The following ATRNL1 variants were observed in gnomAD, a reference collection of about 807,000 sequenced individuals.
The protein encoded by ATRNL1 is attractin-like protein 1.
ATRNL1 carries 95 observed loss-of-function variants against 182.7 expected under a neutral mutation model. The observed-to-expected ratio is 0.52, with a 90% CI of 0.44 to 0.62. The LOEUF (loss-of-function observed/expected upper bound fraction) is 0.62. Ranked by LOEUF, ATRNL1 falls within the 20% of genes least tolerant of loss-of-function variation. The pLI, the probability that ATRNL1 is intolerant of heterozygous loss-of-function variation, is 0.00. For missense variants in ATRNL1, 1,471 were observed against 1,679.5 expected, an observed-to-expected ratio of 0.88 and a Z score of 2.17; for synonymous variants, 576 against 568.3, an observed-to-expected ratio of 1.01 and a Z score of -0.19.
chr10:115,220,732 G>GT (rs1554897278), intron 9 of ATRNL1, among the ~76,000 whole-genome samples: 2 of 97,660 alleles, frequency 2.0e-5, no homozygotes, highest in Non-Finnish European at 4.2e-5. Flanking sequence ...AATGGGGGGG[G>GT]GGGGGCGGGG....
At chr10:115,768,994 G>C (rs1400831960) in intron 27 of ATRNL1, among the ~76,000 whole-genome samples, 1 of 151,900 alleles carries the variant, frequency 6.6e-6, no homozygotes, top group Non-Finnish European at 1.5e-5. Flanking sequence ...AAAACATATA[G>C]ACATATGAAT....
chr10:115,125,078 A>G (rs1030071843), intron 3 of ATRNL1, among the ~76,000 whole-genome samples: 1 of 152,150 alleles, frequency 6.6e-6, no homozygotes, highest in East Asian at 1.9e-4. Context: ...AGAGCATTAT[A>G]TTTTAGGGCA....
At position 115,120,195 on chromosome 10, in the gene ATRNL1, C is replaced by G. The variant is rs1844664968; in HGVS notation, c.304C>G (p.Pro102Ala). ...HCQGRFKLTE[P>A]SGYLTDGPIN... ...TATTTTCTCTTCCAGGTTAACAGAA[C>G]CTTCTGGATATTTAACAGATGGCCC... The change falls in exon 2 of 29, where the codon CCT becomes GCT. Residue 102 changes from proline to alanine, a missense_variant. Around this residue, in one of 3 missense-constraint regions of ATRNL1, gnomAD observed 1,031 missense variants for 1,156.0 expected, o/e 0.89. Coordinates refer to ENST00000355044, the MANE Select transcript of ATRNL1 (RefSeq NM_207303.4). 6.5e-7 allele frequency: 1 copy of G among 1,543,614 alleles called. No individual in the cohort carries two copies. Among genetic ancestry groups the G allele is most frequent in the South Asian group, 1.2e-5 (1 of 86,608 alleles).
intron 26 of ATRNL1, among the ~76,000 whole-genome samples, chr10:115,688,721 CAGTT>C (rs1219904180): frequency 1.3e-5 from 2 of 152,036 alleles, no homozygotes; most frequent in Admixed American, 6.6e-5. Context: ...AGTCTCCTGT[CAGTT>C]AGTAATTTGC....
At chr10:115,148,744 GTTTTTTTTTTT>G (rs71010009) in intron 5 of ATRNL1, among the ~76,000 whole-genome samples, 9 of 116,754 alleles carry the variant, frequency 7.7e-5, no homozygotes, top group South Asian at 3.1e-4. Flanking sequence ...GGCCAGATGC[GTTTTTTTTTTT>G]TTTTTTTTTT....
At chr10:115,911,655 TCA>T (rs1952682653) in intron 28 of ATRNL1, among the ~76,000 whole-genome samples, 1 of 152,100 alleles carries the variant, frequency 6.6e-6, no homozygotes, top group Admixed American at 6.5e-5. Flanking sequence ...CCCGATTTCA[TCA>T]GTTGAGGCAA....
chr10:115,285,478 C>T (rs115900906), intron 14 of ATRNL1, among the ~76,000 whole-genome samples: 1,785 of 152,112 alleles, frequency 0.012, 34 homozygotes, highest in African/African-American at 0.04. Flanking sequence ...ATCAGTATAT[C>T]AATGAAACAC....
At chr10:115,882,354 C>T (rs1400910153) in intron 28 of ATRNL1, among the ~76,000 whole-genome samples, 3 of 152,162 alleles carry the variant, frequency 2.0e-5, no homozygotes, top group African/African-American at 7.2e-5. Context: ...AGATATTCAC[C>T]GAACTGCCTA....
intron 27 of ATRNL1, among the ~76,000 whole-genome samples, chr10:115,761,892 G>C (rs782327669): frequency 6.6e-6 from 1 of 152,086 alleles, no homozygotes; most frequent in Non-Finnish European, 1.5e-5. Context: ...AACAAAGTCG[G>C]GGCTCAACAA....
At chr10:115,732,681 T>C (rs1424493967) in intron 27 of ATRNL1, among the ~76,000 whole-genome samples, 5 of 152,188 alleles carry the variant, frequency 3.3e-5, no homozygotes, top group Non-Finnish European at 5.9e-5. Context: ...CAGTCACCAG[T>C]AGAGCAAGAA....
At chr10:115,724,146 C>T (rs1487224932) in intron 26 of ATRNL1, among the ~76,000 whole-genome samples, 2 of 152,138 alleles carry the variant, frequency 1.3e-5, no homozygotes, top group Admixed American at 1.3e-4. Context: ...ATATAAAACA[C>T]AATCCTGGAA....
chr10:115,630,899 A>G (rs995287012), intron 26 of ATRNL1, among the ~76,000 whole-genome samples: 4 of 149,982 alleles, frequency 2.7e-5, no homozygotes, highest in African/African-American at 9.7e-5. Context: ...GCCTTAAAAA[A>G]GGAGATCCTG....
At chr10:115,653,340 G>A (rs1860131427) in intron 26 of ATRNL1, among the ~76,000 whole-genome samples, 1 of 152,106 alleles carries the variant, frequency 6.6e-6, no homozygotes, top group Admixed American at 6.6e-5. Context: ...TTAGCATCTA[G>A]TACAAGGCAC....
intron 27 of ATRNL1, among the ~76,000 whole-genome samples, chr10:115,780,224 C>G (rs1304092514): frequency 6.6e-6 from 1 of 152,174 alleles, no homozygotes; most frequent in African/African-American, 2.4e-5. Flanking sequence ...ACAGCAAAAC[C>G]AGGCTGAACT....
intron 28 of ATRNL1, among the ~76,000 whole-genome samples, chr10:115,866,135 A>G (rs1555104711): frequency 6.6e-6 from 1 of 152,234 alleles, no homozygotes; most frequent in Non-Finnish European, 1.5e-5. Flanking sequence ...ATGTGCTGCC[A>G]TATTTTTGTT....
At chr10:115,446,995 G>A (rs557621864) in intron 21 of ATRNL1, among the ~76,000 whole-genome samples, 102 of 151,852 alleles carry the variant, frequency 6.7e-4, no homozygotes, top group Middle Eastern at 6.8e-3. Context: ...AAAATCAAAA[G>A]GTTGATTTAT....
chr10:115,129,509 T>G lies in ATRNL1; in HGVS notation c.803T>G (p.Leu268Ter), dbSNP rs1554874540. 1 of 1,613,984 alleles carries G rather than the reference T, an allele frequency of 6.2e-7. No homozygotes were observed. The highest frequency in any genetic ancestry group is 8.5e-7 in the Non-Finnish European group (1 of 1,180,000). Reference sequence around the variant, plus strand: ...TACTGTGACCTGACTGGAGAAAAATTATGTGTCTGCAATGATAGTTGGCAA... The same window carrying G: ...TACTGTGACCTGACTGGAGAAAAATGATGTGTCTGCAATGATAGTTGGCAA... ...HGYCDLTGEK[L>*]CVCNDSWQGP... is the part of the protein sequence containing the mutation. The change falls in exon 5 of 29, where the codon TTA becomes TGA. Residue 268 changes from leucine (L) to a stop codon, truncating the protein, a stop_gained. Coordinates refer to ENST00000355044, the MANE Select transcript of ATRNL1 (RefSeq NM_207303.4). LOFTEE classifies it high-confidence loss of function.
intron 28 of ATRNL1, among the ~76,000 whole-genome samples, chr10:115,941,020 C>A (rs1238793114): frequency 6.6e-6 from 1 of 152,120 alleles, no homozygotes; most frequent in Admixed American, 6.5e-5. Context: ...AGGACCTAAG[C>A]CAAATGAAAC....
intron 26 of ATRNL1, among the ~76,000 whole-genome samples, chr10:115,612,025 T>A (rs180946499): frequency 9.9e-5 from 15 of 152,120 alleles, no homozygotes; most frequent in Admixed American, 2.0e-4. Flanking sequence ...CCGAGGCAAG[T>A]GGATCACCTG....
Sources: gnomAD v4.1 joint callset for allele counts (sites outside exome capture counted in the v4.1 genomes callset) on GRCh38, gnomAD v4.1.1 for gene constraint, gnomAD v4.1.1 regional missense constraint, MANE v1.5 for transcripts, NCBI Gene and HGNC (gene_info 2026-07-23, HGNC 2026-07-21) for gene names.